The following OR1L8 variants were observed in gnomAD, a reference collection of about 807,000 sequenced individuals.
The protein encoded by OR1L8 is olfactory receptor 1L8.
For synonymous variants in OR1L8, 148 were observed against 147.0 expected, an observed-to-expected ratio of 1.01 and a Z score of -0.05; for missense variants, 330 against 377.4, an observed-to-expected ratio of 0.87 and a Z score of 1.04.
chr9:122,554,118 G>T, the OR1L8 span: 1 of 1,613,498 alleles, frequency 6.2e-7, no homozygotes, highest in Non-Finnish European at 8.5e-7. Context: ...CATGAAGGAG[G>T]CTTTGGGTAA....
chr9:122,574,432 A>G (rs1829605280), intron 3 of OR1L8, among the ~76,000 whole-genome samples: 1 of 151,994 alleles, frequency 6.6e-6, no homozygotes, highest in African/African-American at 2.4e-5. Flanking sequence ...TTATGCCACT[A>G]TTTTATTTTG....
Position 122,576,912 on chromosome 9 carries a change from T to C in OR1L8, c.-477-11A>G, listed in dbSNP as rs1208681586. 6.6e-6 allele frequency: 1 copy of C among 152,202 alleles called. No homozygotes were observed. The highest frequency in any genetic ancestry group is 1.5e-5 in the Non-Finnish European group (1 of 68,038). 9.4% of individuals were successfully genotyped at this position (152,202 alleles called of 1,614,324 possible). The stretch of plus-strand genomic sequence containing the variant: ...ACTTCTCTGATGGATCTAAAAAGAA[T>C]GTTGATTTTTCAGTTTGTTAGGCCT... On this transcript the variant is annotated splice_polypyrimidine_tract_variant and intron_variant, in intron 2 of 4. Transcript: ENST00000641027.
the OR1L8 span, among the ~76,000 whole-genome samples, chr9:122,548,762 C>T: frequency 8.3e-6 from 1 of 120,360 alleles, no homozygotes; most frequent in South Asian, 3.7e-4. Context: ...ACCCCCACCC[C>T]ACAACAGGCC....
At chr9:122,551,022 C>T in the OR1L8 span, among the ~76,000 whole-genome samples, 45,765 of 151,830 alleles carry the variant, frequency 0.3, 7,420 homozygotes, top group East Asian at 0.54. Flanking sequence ...AAGATTCCTC[C>T]AGAAGACTCC....
At chr9:122,552,000 AT>A in the OR1L8 span, among the ~76,000 whole-genome samples, 657 of 148,236 alleles carry the variant, frequency 4.4e-3, 5 homozygotes, top group Middle Eastern at 0.025. Flanking sequence ...CTGATCCATA[AT>A]CTGACAGGTG....
At chr9:122,571,642 G>C (rs1829553436) in intron 4 of OR1L8, among the ~76,000 whole-genome samples, 1 of 151,860 alleles carries the variant, frequency 6.6e-6, no homozygotes, top group South Asian at 2.1e-4. Flanking sequence ...CTTGAACCCG[G>C]GAGGCGGAGG....
chr9:122,556,264 A>G, the OR1L8 span, among the ~76,000 whole-genome samples: 1 of 148,744 alleles, frequency 6.7e-6, no homozygotes, highest in Non-Finnish European at 1.5e-5. Context: ...GGAAAGGTGT[A>G]ATGTCTGTGT....
At chr9:122,550,262 CCAA>C in the OR1L8 span, among the ~76,000 whole-genome samples, 26 of 151,968 alleles carry the variant, frequency 1.7e-4, no homozygotes, top group African/African-American at 6.3e-4. Flanking sequence ...ATACAATCTC[CCAA>C]CAACAACAAC....
chr9:122,577,178 CT>C (rs541715136), intron 2 of OR1L8, among the ~76,000 whole-genome samples: 10 of 151,878 alleles, frequency 6.6e-5, no homozygotes, highest in Non-Finnish European at 1.0e-4. Context: ...ATGACCTAGT[CT>C]TTTTTTTAAC....
intron 4 of OR1L8, among the ~76,000 whole-genome samples, chr9:122,571,730 A>T (rs1219048656): frequency 6.6e-6 from 1 of 151,122 alleles, no homozygotes; most frequent in Admixed American, 6.6e-5. Context: ...AAAAAAAAAA[A>T]TTGACCATGC....
At chr9:122,561,568 T>G in the OR1L8 span, among the ~76,000 whole-genome samples, 1 of 152,220 alleles carries the variant, frequency 6.6e-6, no homozygotes, top group Non-Finnish European at 1.5e-5. Context: ...CTGTTTGTTT[T>G]TCTTTCAGTG....
At chr9:122,578,977 A>G (rs956574777) in intron 1 of OR1L8, among the ~76,000 whole-genome samples, 7 of 32,078 alleles carry the variant, frequency 2.2e-4, no homozygotes, top group Non-Finnish European at 4.6e-4. Flanking sequence ...AATCTCAGAA[A>G]TTACCACTAA....
At chr9:122,575,347 T>G (rs1037489858) in intron 3 of OR1L8, among the ~76,000 whole-genome samples, 1 of 152,166 alleles carries the variant, frequency 6.6e-6, no homozygotes, top group African/African-American at 2.4e-5. Context: ...AGTTTATTAA[T>G]TATTGAGTCA....
chr9:122,550,483 A>T, the OR1L8 span, among the ~76,000 whole-genome samples: 1 of 152,182 alleles, frequency 6.6e-6, no homozygotes, highest in African/African-American at 2.4e-5. Context: ...GTGACAATAG[A>T]TGCAAAAATT....
rs112497477 is a variant in OR1L8, at chr9:122,569,131, AT to A, written c.-212-443del. Among the ~76,000 whole-genome samples the A allele has an allele frequency of 8.9e-3, 1,344 of 151,730 alleles. 18 individuals carry two copies. The highest frequency in any genetic ancestry group is 0.031 in the African/African-American group (1,288 of 41,374). On this transcript the variant is annotated intron_variant, in intron 4 of 4. Coordinates refer to ENST00000641027, the MANE Select transcript of OR1L8 (RefSeq NM_001004454.2). ...ACTGTTGAACGCAGTCAATAGAGTG[AT>A]TTTTTTTTCTGCTCTGCTCACAGAA...
downstream of OR1L8, among the ~76,000 whole-genome samples, chr9:122,565,214 A>T (rs2118703784): frequency 6.6e-6 from 1 of 152,328 alleles, no homozygotes; most frequent in Admixed American, 6.5e-5. Context: ...TGGAAGCAAC[A>T]TGATTGGAAA....
the OR1L8 span, among the ~76,000 whole-genome samples, chr9:122,556,103 A>G: frequency 6.6e-6 from 1 of 152,122 alleles, no homozygotes; most frequent in Admixed American, 6.6e-5. Flanking sequence ...TTTTCCCAGA[A>G]TGTTATGTAG....
Position 122,567,321 on chromosome 9 carries a change from T to A in OR1L8, c.*227A>T, listed in dbSNP as rs990444036. 3 of 405,654 alleles carry A rather than the reference T, an allele frequency of 7.4e-6. No individual in the cohort carries two copies. The highest frequency in any genetic ancestry group is 1.3e-5 in the Non-Finnish European group (3 of 229,560). The allele number at this position is 405,654 out of a possible 1,614,324, so 25.1% of individuals were successfully genotyped here. A position where few individuals can be genotyped will look rare whatever the true frequency, so the allele number is the denominator to read the frequency against. On this transcript the variant is annotated 3_prime_UTR_variant, in exon 5 of 5. Coordinates refer to ENST00000641027, the MANE Select transcript of OR1L8 (RefSeq NM_001004454.2). ...TTGGAAAATGAGAAAGTGGAAAAAA[T>A]AAATCTTTCCAAGAAAGAGGAGACA... is the stretch of plus-strand genomic sequence containing the variant.
the OR1L8 span, among the ~76,000 whole-genome samples, chr9:122,559,399 A>G: frequency 6.6e-6 from 1 of 151,874 alleles, no homozygotes; most frequent in Non-Finnish European, 1.5e-5. Context: ...GTTTGTTGCA[A>G]CTATCAACTG....
Sources: gnomAD v4.1 joint callset for allele counts (sites outside exome capture counted in the v4.1 genomes callset) on GRCh38, gnomAD v4.1.1 for gene constraint, MANE v1.5 for transcripts, NCBI Gene and HGNC (gene_info 2026-07-23, HGNC 2026-07-21) for gene names.